Variants in NTRK3 observed in about 807,000 individuals in gnomAD.
The protein encoded by NTRK3 is neurotrophic receptor tyrosine kinase 3.
In NTRK3, 24 loss-of-function variants were observed where a neutral mutation model predicts 91.7. That is an observed-to-expected ratio of 0.26 (90% CI 0.19 to 0.37). The LOEUF is 0.37. NTRK3 is among the 10% of genes least tolerant of loss of function. The pLI is 1.00. For synonymous variants in NTRK3, 483 were observed against 404.0 expected (o/e 1.20, Z -2.34); for missense variants, 880 against 1,068.9 (o/e 0.82, Z 2.46).
At chr15:88,052,907 G>A (rs1026084725) in intron 13 of NTRK3, among the ~76,000 whole-genome samples, 2 of 152,128 alleles carry the variant, frequency 1.3e-5, no homozygotes, top group African/African-American at 4.8e-5. Flanking sequence ...TTATCTATCA[G>A]CTGATCAGTA....
chr15:88,089,495 A>G (rs183252003), intron 13 of NTRK3, among the ~76,000 whole-genome samples: 1 of 152,358 alleles, frequency 6.6e-6, no homozygotes, highest in East Asian at 1.9e-4. Context: ...AAGTGATGTA[A>G]TACTGCACAA....
chr15:88,047,649 A>C (rs1054333237), intron 13 of NTRK3, among the ~76,000 whole-genome samples: 1 of 152,210 alleles, frequency 6.6e-6, no homozygotes, highest in Non-Finnish European at 1.5e-5. Flanking sequence ...ACAATGGTTC[A>C]GGTAAGAAAT....
intron 14 of NTRK3, among the ~76,000 whole-genome samples, chr15:88,000,671 G>C (rs1008884863): frequency 8.5e-5 from 13 of 152,156 alleles, no homozygotes; most frequent in Non-Finnish European, 1.8e-4. Context: ...CTTTAACCAT[G>C]TTGTAGCAAG....
In NTRK3 at chr15:88,241,222, T is replaced by G. The variant is rs1043270421; in HGVS notation, c.248+14684A>C. Among the ~76,000 whole-genome samples, 1 of 152,152 alleles carries G rather than the reference T, an allele frequency of 6.6e-6. No homozygotes were observed. Among genetic ancestry groups the G allele is most frequent in the African/African-American group, 2.4e-5 (1 of 41,436 alleles). On this transcript the variant is annotated intron_variant, in intron 3 of 18. Transcript: ENST00000394480. This position sits in a 1 kb window ranked among gnomAD's most constrained non-coding sequence, Gnocchi z 4.3. ...CGCCCTCTTCTGTTCAGTGACCTCC[T>G]GGGCAGGTAAGAACATAGAGGGCAG... is the stretch of plus-strand genomic sequence containing the variant.
rs565582679 is a variant in NTRK3, at chr15:88,080,180, C to A, written c.1396+46091G>T. On this transcript the variant is annotated intron_variant, in intron 13 of 18. Transcript: ENST00000394480. The stretch of plus-strand genomic sequence containing the variant: ...TTCAATACACAACCTTGTATGTGAA[C>A]TTTTGTGGCCATCTCTGATTATTTC... Among the ~76,000 whole-genome samples, 118 of 152,296 alleles carry A rather than the reference C, an allele frequency of 7.7e-4. 1 individual carries two copies. Among genetic ancestry groups the A allele is most frequent in the Non-Finnish European group, 1.4e-3 (95 of 68,018 alleles).
intron 13 of NTRK3, among the ~76,000 whole-genome samples, chr15:88,062,357 A>T (rs371631355): frequency 1.3e-5 from 2 of 152,146 alleles, no homozygotes; most frequent in Admixed American, 1.3e-4. Context: ...CCCCTTTCCC[A>T]TTGTTATTAG....
intron 17 of NTRK3, among the ~76,000 whole-genome samples, chr15:87,884,880 A>G (rs1003198457): frequency 5.9e-5 from 9 of 151,914 alleles, no homozygotes; most frequent in African/African-American, 2.2e-4. Flanking sequence ...AATACAAAGT[A>G]TCTTCTATCA....
At chr15:88,101,872 G>C (rs539499327) in intron 13 of NTRK3, among the ~76,000 whole-genome samples, 48 of 152,210 alleles carry the variant, frequency 3.2e-4, no homozygotes, top group African/African-American at 6.0e-4. Flanking sequence ...GTTGTGGGGT[G>C]GGGGGAGTGG....
At chr15:87,954,870 T>C (rs940058905) in intron 14 of NTRK3, among the ~76,000 whole-genome samples, 3 of 152,232 alleles carry the variant, frequency 2.0e-5, no homozygotes, top group Non-Finnish European at 4.4e-5. Context: ...CCACAGCGTC[T>C]GTCTTTTTTA....
chr15:88,215,200 T>G (rs2049642791), intron 3 of NTRK3, among the ~76,000 whole-genome samples: 1 of 152,210 alleles, frequency 6.6e-6, no homozygotes. Context: ...TGGCAATTCA[T>G]CAGAGGAAAA....
intron 6 of NTRK3, among the ~76,000 whole-genome samples, chr15:88,145,020 C>T (rs1176303450): frequency 6.6e-6 from 1 of 152,290 alleles, no homozygotes; most frequent in East Asian, 1.9e-4. Flanking sequence ...ACACACTGAG[C>T]CCTTTCTCCT....
intron 17 of NTRK3, among the ~76,000 whole-genome samples, chr15:87,911,295 T>A (rs1346533327): frequency 6.6e-6 from 1 of 152,222 alleles, no homozygotes; most frequent in African/African-American, 2.4e-5. Context: ...TGCACGTACA[T>A]AATTATGAGT....
intron 13 of NTRK3, among the ~76,000 whole-genome samples, chr15:88,092,309 G>C (rs1245915703): frequency 6.6e-6 from 1 of 152,164 alleles, no homozygotes; most frequent in African/African-American, 2.4e-5. Context: ...CATCATCAAG[G>C]CTCCGACTGC....
rs1201516622 is a variant in NTRK3 at position 87,870,496 on chromosome 15, T to G, written c.*6439A>C. 3.3e-5 allele frequency: 7 copies of G among 209,726 alleles called. No individual in the cohort carries two copies. The Admixed American group carries it at 4.1e-4, about 12-fold the overall frequency. The allele number at this position is 209,726 out of a possible 1,614,324, so 13.0% of individuals were successfully genotyped here. On this transcript the variant is annotated 3_prime_UTR_variant, in exon 19 of 19. Transcript: ENST00000394480. ...AATATGGTGCATACTGCCTGGGTGA[T>G]GGGTGTGCCAAAATCTCACAAATCA...
intron 3 of NTRK3, among the ~76,000 whole-genome samples, chr15:88,220,571 TG>T (rs2050154363): frequency 6.6e-6 from 1 of 152,104 alleles, no homozygotes; most frequent in South Asian, 2.1e-4. Flanking sequence ...GAGAATGAAA[TG>T]GGTCAGAGAT....
intron 16 of NTRK3, among the ~76,000 whole-genome samples, chr15:87,930,308 C>A (rs532747099): frequency 6.6e-6 from 1 of 152,272 alleles, no homozygotes; most frequent in East Asian, 1.9e-4. Context: ...TCACTCTTTT[C>A]TCTAGAAAGC....
At chr15:88,037,997 A>G (rs4887204) in intron 13 of NTRK3, among the ~76,000 whole-genome samples, 36,101 of 152,184 alleles carry the variant, frequency 0.24, 4,899 homozygotes, top group Middle Eastern at 0.4. Flanking sequence ...ATAACCCTCC[A>G]CCAGCACTGC....
At chr15:88,051,162 C>T (rs148600537) in intron 13 of NTRK3, among the ~76,000 whole-genome samples, 150 of 151,966 alleles carry the variant, frequency 9.9e-4, no homozygotes, top group Non-Finnish European at 1.7e-3. Context: ...TACATTTCCA[C>T]CTCTGCCACA....
Position 88,256,340 on chromosome 15 carries a change from A to ACGCCGC in NTRK3, c.-78_-73dup, listed in dbSNP as rs542135987. 133 of 638,010 alleles carry ACGCCGC rather than the reference A, an allele frequency of 2.1e-4. 1 individual carries two copies. The highest frequency in any genetic ancestry group is 1.2e-3 in the Middle Eastern group (3 of 2,464). The allele number at this position is 638,010 out of a possible 1,614,324, so 39.5% of individuals were successfully genotyped here. ...CCTTCAGCGTCTGAAACCATCGCGG[A>ACGCCGC]CGCCGCCGCCGCCGCCGCCGCCGCC... is the stretch of plus-strand genomic sequence containing the variant. On this transcript the variant is annotated 5_prime_UTR_variant, in exon 2 of 19. Coordinates refer to ENST00000394480, the Ensembl canonical transcript of NTRK3.
Sources: gnomAD v4.1 joint callset for allele counts (sites outside exome capture counted in the v4.1 genomes callset) on GRCh38, gnomAD v4.1.1 for gene constraint, Gnocchi (gnomAD v3.1) non-coding constraint, MANE v1.5 for transcripts, NCBI Gene and HGNC (gene_info 2026-07-23, HGNC 2026-07-21) for gene names.